CTXN3: variants seen among roughly 807,000 people sequenced by gnomAD.
CTXN3 encodes the protein cortexin-3.
Under a neutral mutation model 5.0 loss-of-function variants are expected in CTXN3, and 4 were observed. That is an observed-to-expected ratio of 0.79 (90% confidence interval 0.39 to 1.82). The LOEUF (loss-of-function observed/expected upper bound fraction) is 1.82, where lower values mean the gene tolerates loss of function less well. Among genes scored for constraint, CTXN3 ranks in the 40% most tolerant of loss-of-function variants. The pLI is 0.04. For synonymous variants in CTXN3, 48 were observed against 38.6 expected (o/e 1.24, Z -0.91); for missense variants, 89 against 99.7 (o/e 0.89, Z 0.46).
At position 127,649,675 on chromosome 5, in the gene CTXN3, A is replaced by G. The variant is rs575559637; in HGVS notation, c.-207+287A>G. Among the ~76,000 whole-genome samples, 139 of 152,152 alleles carry G rather than the reference A, an allele frequency of 9.1e-4. 1 individual carries two copies. The highest frequency in any genetic ancestry group is 3.1e-3 in the African/African-American group (129 of 41,520). On this transcript the variant is annotated intron_variant, in intron 1 of 2. Coordinates refer to ENST00000379445, the MANE Select transcript of CTXN3 (RefSeq NM_001048252.3). ...TTTTTTTCTTTCCTAAGCTGCAGTA[A>G]TTTATTTCTGAAAGCTGTTTGCCCA...
At chr5:127,655,357 T>G (rs1749884912) in intron 2 of CTXN3, among the ~76,000 whole-genome samples, 1 of 152,086 alleles carries the variant, frequency 6.6e-6, no homozygotes, top group South Asian at 2.1e-4. Flanking sequence ...TTGGGCTGGA[T>G]GGAAAAAGGG....
chr5:127,650,941 T>G (rs1381643654), intron 1 of CTXN3, among the ~76,000 whole-genome samples: 2 of 152,182 alleles, frequency 1.3e-5, no homozygotes, highest in Non-Finnish European at 2.9e-5. Flanking sequence ...GGGATTCTAT[T>G]TAGGCTCAGT....
chr5:127,649,935 T>C (rs566688953), intron 1 of CTXN3, among the ~76,000 whole-genome samples: 5 of 152,250 alleles, frequency 3.3e-5, no homozygotes, highest in African/African-American at 9.6e-5. Flanking sequence ...GTAGGGCTTA[T>C]TATTTGAAGT....
At chr5:127,654,641 G>A (rs1472802396) in intron 2 of CTXN3, among the ~76,000 whole-genome samples, 2 of 152,178 alleles carry the variant, frequency 1.3e-5, no homozygotes, top group Non-Finnish European at 2.9e-5. Context: ...GTGAAGCCTA[G>A]AAAGTATGAG....
intron 2 of CTXN3, among the ~76,000 whole-genome samples, chr5:127,653,875 G>A (rs1237693348): frequency 6.6e-6 from 1 of 152,094 alleles, no homozygotes; most frequent in East Asian, 1.9e-4. Context: ...TTGGTTTCTG[G>A]ATCTCTTTAT....
Position 127,658,291 on chromosome 5 carries a change from T to C in CTXN3, c.*524T>C, listed in dbSNP as rs1190612148. ...CAAAGCAGGGAGCTTTGGGAAGCAA[T>C]GGAAAAGCTTAAAAGAGATGATTCT... On this transcript the variant is annotated 3_prime_UTR_variant, in exon 3 of 3. Coordinates refer to ENST00000379445, the MANE Select transcript of CTXN3 (RefSeq NM_001048252.3). 1.8e-5 allele frequency: 3 copies of C among 168,914 alleles called. No individual in the cohort carries two copies. The highest frequency in any genetic ancestry group is 4.8e-5 in the African/African-American group (2 of 41,464). 10.5% of individuals were successfully genotyped at this position (168,914 alleles called of 1,614,324 possible).
intron 1 of CTXN3, chr5:127,651,798 A>G (rs1749792377): frequency 6.6e-6 from 1 of 151,938 alleles, no homozygotes; most frequent in East Asian, 1.9e-4. Context: ...TGTCCAATGC[A>G]CTTAAGTAAT....
intron 1 of CTXN3, chr5:127,652,214 T>G (rs996232913): frequency 2.0e-5 from 3 of 152,198 alleles, no homozygotes; most frequent in Non-Finnish European, 2.9e-5. Flanking sequence ...AGTGTCATTG[T>G]GACTTGAACT....
intron 2 of CTXN3, among the ~76,000 whole-genome samples, chr5:127,654,476 G>T (rs1749860495): frequency 1.3e-5 from 2 of 152,206 alleles, no homozygotes; most frequent in South Asian, 4.1e-4. Flanking sequence ...TGCAGAATCT[G>T]AGTCCCAGAG....
At chr5:127,656,465 C>T (rs951298362) in intron 2 of CTXN3, among the ~76,000 whole-genome samples, 1 of 152,164 alleles carries the variant, frequency 6.6e-6, no homozygotes, top group Non-Finnish European at 1.5e-5. Flanking sequence ...GGAAGCCACT[C>T]TAAGGAAAAC....
In CTXN3 at chr5:127,657,480, A is replaced by G. The variant is rs200535255; in HGVS notation, c.-42A>G. 9.3e-6 allele frequency: 15 copies of G among 1,607,328 alleles called. No homozygotes were observed. The highest frequency in any genetic ancestry group is 1.0e-5 in the Non-Finnish European group (12 of 1,176,568). On this transcript the variant is annotated 5_prime_UTR_variant, in exon 3 of 3. Coordinates refer to ENST00000379445, the MANE Select transcript of CTXN3 (RefSeq NM_001048252.3). ...GACCTCCGCAGATTGATGATGGAAGAAAAGAAAACCAGGATATCCTGTGCT... is the reference window on the plus strand; with the variant it reads ...GACCTCCGCAGATTGATGATGGAAGGAAAGAAAACCAGGATATCCTGTGCT...
chr5:127,652,061 T>A (rs181000837), intron 1 of CTXN3, among the ~76,000 whole-genome samples: 1 of 152,318 alleles, frequency 6.6e-6, no homozygotes, highest in African/African-American at 2.4e-5. Flanking sequence ...TAAGAAAGAA[T>A]TGACCTCTTA....
chr5:127,657,043 T>C (rs1278779722), intron 2 of CTXN3, among the ~76,000 whole-genome samples: 1 of 152,158 alleles, frequency 6.6e-6, no homozygotes. Flanking sequence ...GCTCCCTCAA[T>C]GGCGCTATCG....
rs562299772 is a variant in CTXN3 at position 127,657,471 on chromosome 5, T to A, written c.-51T>A. 6.2e-7 allele frequency: 1 copy of A among 1,603,882 alleles called. No homozygotes were observed. Among genetic ancestry groups the A allele is most frequent in the African/African-American group, 1.3e-5 (1 of 74,798 alleles). On this transcript the variant is annotated 5_prime_UTR_variant, in exon 3 of 3. It removes an upstream start codon present in the reference 5' UTR. Transcript: ENST00000379445. ...AGCCACCATGACCTCCGCAGATTGA[T>A]GATGGAAGAAAAGAAAACCAGGATA...
intron 2 of CTXN3, 40 bp downstream of exon 2, chr5:127,653,463 C>T (rs931158783): frequency 4.6e-5 from 7 of 152,050 alleles, no homozygotes; most frequent in Admixed American, 3.9e-4. Context: ...AAAATAGCTG[C>T]CATGTGTTAT....
At chr5:127,651,710 A>G (rs899210373) in intron 1 of CTXN3, 2 of 152,066 alleles carry the variant, frequency 1.3e-5, no homozygotes, top group Non-Finnish European at 2.9e-5. Flanking sequence ...AGATCATTGC[A>G]CCCTATTGCA....
At chr5:127,652,253 T>G (rs1248367704) in intron 1 of CTXN3, 2 of 152,250 alleles carry the variant, frequency 1.3e-5, no homozygotes, top group Non-Finnish European at 2.9e-5. Context: ...CAAGACTTAC[T>G]TCAAATGTGA....
At chr5:127,653,648 T>C (rs1286269174) in intron 2 of CTXN3, 1 of 152,226 alleles carries the variant, frequency 6.6e-6, no homozygotes, top group East Asian at 1.9e-4. Flanking sequence ...ATTTAAAAAT[T>C]TACATGTCTT....
At chr5:127,651,288 G>C (rs571041225) in intron 1 of CTXN3, among the ~76,000 whole-genome samples, 2 of 152,254 alleles carry the variant, frequency 1.3e-5, no homozygotes, top group African/African-American at 4.8e-5. Flanking sequence ...GTCAAGTCAC[G>C]TAACTAGGTT....
Sources: allele counts gnomAD v4.1 joint callset (sites outside exome capture counted in the v4.1 genomes callset), GRCh38; gene constraint gnomAD v4.1.1; transcripts MANE v1.5; gene names NCBI Gene and HGNC (gene_info 2026-07-23, HGNC 2026-07-21).